ADGRL2: variants seen among roughly 807,000 people sequenced by gnomAD.
ADGRL2 encodes the protein adhesion G protein-coupled receptor L2.
A neutral mutation model predicts 157.4 loss-of-function variants in ADGRL2; 44 were observed. The ratio of observed to expected loss-of-function variants is 0.28; its 90% confidence interval spans 0.22 to 0.36. The LOEUF (loss-of-function observed/expected upper bound fraction) is 0.36. Ranked by LOEUF, ADGRL2 falls within the 10% of genes least tolerant of loss-of-function variation. The pLI is 1.00. For missense variants in ADGRL2, 1,510 were observed against 1,768.9 expected (o/e 0.85, Z 2.63); for synonymous variants, 585 against 624.7 (o/e 0.94, Z 0.95).
chr1:81,337,499 G>A (rs560511614), intron 1 of ADGRL2, among the ~76,000 whole-genome samples: 2 of 152,282 alleles, frequency 1.3e-5, no homozygotes, highest in African/African-American at 4.8e-5. Context: ...TCCCCTTCAT[G>A]AAGACCGTGA....
At chr1:81,708,586 A>T (rs2083818120) in intron 1 of ADGRL2, among the ~76,000 whole-genome samples, 1 of 151,976 alleles carries the variant, frequency 6.6e-6, no homozygotes. Flanking sequence ...ACTTCAGAAG[A>T]GAAGGGTAAT....
At chr1:81,320,084 T>C (rs1308967021) in intron 1 of ADGRL2, among the ~76,000 whole-genome samples, 1 of 152,198 alleles carries the variant, frequency 6.6e-6, no homozygotes, top group African/African-American at 2.4e-5. Context: ...TTTGTTGTCA[T>C]TTCAACAATG....
chr1:81,763,245 T>G (rs1485109072), intron 2 of ADGRL2, among the ~76,000 whole-genome samples: 1 of 151,976 alleles, frequency 6.6e-6, no homozygotes. Flanking sequence ...TACGTACATA[T>G]AAAATTGGGA....
chr1:81,630,007 A>AATAT (rs200472541), intron 3 of ADGRL2, among the ~76,000 whole-genome samples: 1 of 151,330 alleles, frequency 6.6e-6, no homozygotes, highest in Admixed American at 6.6e-5. Context: ...TGTATATATG[A>AATAT]ATATATATAT....
chr1:81,741,081 A>G (rs1571026139), intron 1 of ADGRL2, among the ~76,000 whole-genome samples: 1 of 152,012 alleles, frequency 6.6e-6, no homozygotes, highest in Admixed American at 6.6e-5. Flanking sequence ...TATAGGCCAG[A>G]GGCTAATCAT....
intron 3 of ADGRL2, among the ~76,000 whole-genome samples, chr1:81,687,841 A>C (rs377039518): frequency 2.6e-5 from 4 of 152,272 alleles, no homozygotes; most frequent in African/African-American, 9.6e-5. Flanking sequence ...AGCTCCTTTT[A>C]GCAGTTCTTG....
chr1:81,311,291 T>C lies in ADGRL2; in HGVS notation c.-302+4782T>C, dbSNP rs567449182. 4.6e-5 allele frequency among the ~76,000 whole-genome samples: 7 copies of C among 152,326 alleles called. No homozygotes were observed. In the South Asian group the frequency reaches 1.4e-3, roughly 32 times the overall value. Reference sequence around the variant, plus strand: ...TTGTTGTTATACATAGTTCCTTCTATCTTCTCCCGGAAAAATTAATCAAGT... The same window carrying C: ...TTGTTGTTATACATAGTTCCTTCTACCTTCTCCCGGAAAAATTAATCAAGT... On this transcript the variant is annotated intron_variant, in intron 1 of 24. Transcript: ENST00000370721.
At position 81,936,785 on chromosome 1, in the gene ADGRL2, A is replaced by G. The variant is rs760241378; in HGVS notation, c.345A>G (p.Pro115=). The G allele has an allele frequency of 6.2e-7, 1 of 1,612,360 alleles. No homozygotes were observed. The highest frequency in any genetic ancestry group is 1.7e-5 in the Admixed American group (1 of 59,956). ...VVTGSDVFPD[P]CPGTYKYLEV... ...CTGGGTCAGATGTGTTTCCTGATCCATGTCCTGGAACATACAAATACCTTG... is the reference window on the plus strand; with the variant it reads ...CTGGGTCAGATGTGTTTCCTGATCCGTGTCCTGGAACATACAAATACCTTG... The change falls in exon 4 of 24, where the codon CCA becomes CCG. Residue 115 remains proline, a synonymous_variant. Coordinates refer to ENST00000686636, the MANE Select transcript of ADGRL2 (RefSeq NM_001366006.2).
intron 2 of ADGRL2, among the ~76,000 whole-genome samples, chr1:81,772,368 A>G (rs1430788843): frequency 6.6e-6 from 1 of 152,196 alleles, no homozygotes; most frequent in Non-Finnish European, 1.5e-5. Context: ...CTGTAAACTA[A>G]ACCTAGTTAC....
At chr1:81,483,208 T>C (rs2078427147) in intron 2 of ADGRL2, among the ~76,000 whole-genome samples, 1 of 152,198 alleles carries the variant, frequency 6.6e-6, no homozygotes, top group Non-Finnish European at 1.5e-5. Context: ...TAGCTTCTCA[T>C]GGACACTTTT....
chr1:81,496,286 C>G (rs552282567), intron 2 of ADGRL2, among the ~76,000 whole-genome samples: 1 of 152,112 alleles, frequency 6.6e-6, no homozygotes, highest in Non-Finnish European at 1.5e-5. Flanking sequence ...GGCATTGCAA[C>G]CAATAAAACC....
At chr1:81,678,523 T>C (rs1409268727) in intron 3 of ADGRL2, among the ~76,000 whole-genome samples, 2 of 152,332 alleles carry the variant, frequency 1.3e-5, no homozygotes, top group East Asian at 3.9e-4. Context: ...TTACTCTACT[T>C]GTTTAGACAT....
chr1:81,652,289 T>A (rs1004186338), intron 3 of ADGRL2, among the ~76,000 whole-genome samples: 1 of 152,198 alleles, frequency 6.6e-6, no homozygotes, highest in East Asian at 1.9e-4. Context: ...CACAACATCC[T>A]TATAAATGTT....
At chr1:81,431,760 C>A (rs2077325767) in intron 1 of ADGRL2, among the ~76,000 whole-genome samples, 1 of 152,168 alleles carries the variant, frequency 6.6e-6, no homozygotes, top group East Asian at 1.9e-4. Context: ...TGATAGATTA[C>A]TTCTTTGGGC....
At chr1:81,621,184 T>A (rs2081782325) in intron 3 of ADGRL2, among the ~76,000 whole-genome samples, 1 of 151,794 alleles carries the variant, frequency 6.6e-6, no homozygotes, top group African/African-American at 2.4e-5. Context: ...GGGGAGGGAG[T>A]GGACTAGTTT....
intron 2 of ADGRL2, among the ~76,000 whole-genome samples, chr1:81,465,016 A>G (rs866715227): frequency 1.3e-5 from 2 of 151,930 alleles, no homozygotes; most frequent in Non-Finnish European, 2.9e-5. Flanking sequence ...CCACTGTTCT[A>G]CCATCAAGTG....
chr1:81,571,631 G>T (rs1475453249), intron 2 of ADGRL2, among the ~76,000 whole-genome samples: 1 of 151,798 alleles, frequency 6.6e-6, no homozygotes. Flanking sequence ...AGATAGAAAA[G>T]ATGAGCCTCT....
intron 2 of ADGRL2, among the ~76,000 whole-genome samples, chr1:81,558,768 T>C (rs770193150): frequency 6.6e-6 from 1 of 152,190 alleles, no homozygotes; most frequent in Non-Finnish European, 1.5e-5. Flanking sequence ...CCCCTTGATA[T>C]CTTTAAATTC....
At chr1:81,373,208 A>G (rs2076190506) in intron 1 of ADGRL2, among the ~76,000 whole-genome samples, 2 of 152,316 alleles carry the variant, frequency 1.3e-5, no homozygotes, top group South Asian at 4.1e-4. Flanking sequence ...ACATTGAATA[A>G]ATGACTGAAT....
Sources: gnomAD v4.1 joint callset for allele counts (sites outside exome capture counted in the v4.1 genomes callset) on GRCh38, gnomAD v4.1.1 for gene constraint, MANE v1.5 for transcripts, NCBI Gene and HGNC (gene_info 2026-07-23, HGNC 2026-07-21) for gene names.